The following IL1RL2 variants were observed in gnomAD, a reference collection of about 807,000 sequenced individuals.
The protein encoded by IL1RL2 is interleukin 1 receptor like 2.
In IL1RL2, 68 loss-of-function variants were observed where a neutral mutation model predicts 66.8. That is an observed-to-expected ratio of 1.02 (90% CI 0.84 to 1.25). The LOEUF is 1.25. Among genes scored for constraint, IL1RL2 ranks in the 50% most tolerant of loss-of-function variants. The probability of loss-of-function intolerance (pLI) is 0.00; values close to 1 mark genes in which losing one functional copy is unlikely to be tolerated. For missense variants in IL1RL2, 729 were observed against 709.3 expected (o/e 1.03, Z -0.32); for synonymous variants, 305 against 264.6 (o/e 1.15, Z -1.48).
chr2:102,190,947 GT>G (rs1366652197), intron 3 of IL1RL2, among the ~76,000 whole-genome samples: 1 of 152,130 alleles, frequency 6.6e-6, no homozygotes, highest in Non-Finnish European at 1.5e-5. Context: ...TAGGATACGT[GT>G]TTAGGAAACT....
chr2:102,240,402 G>A (rs924752155), downstream of IL1RL2, among the ~76,000 whole-genome samples: 9 of 87,252 alleles, frequency 1.0e-4, no homozygotes, highest in African/African-American at 3.5e-4. Flanking sequence ...ACAGAGTTTC[G>A]CTTTTGTCAC....
intron 11 of IL1RL2, chr2:102,236,083 GAGCCAATGT>G (rs1248258287): frequency 2.1e-5 from 7 of 336,618 alleles, no homozygotes; most frequent in African/African-American, 1.6e-4. Flanking sequence ...AGTTTCCAAT[GAGCCAATGT>G]GCCCTTGTCA....
At chr2:102,190,600 G>T (rs923058058) in intron 3 of IL1RL2, among the ~76,000 whole-genome samples, 3 of 152,190 alleles carry the variant, frequency 2.0e-5, no homozygotes, top group African/African-American at 4.8e-5. Context: ...GCACAAAATT[G>T]AGTGGTTCAC....
Position 102,212,118 on chromosome 2 carries a change from G to A in IL1RL2, c.668G>A (p.Gly223Glu). 1 of 1,613,214 alleles carries A rather than the reference G, an allele frequency of 6.2e-7. No individual in the cohort carries two copies. The highest frequency in any genetic ancestry group is 8.5e-7 in the Non-Finnish European group (1 of 1,179,266). ...TVSITERAGY[G>E]GSVPKIIYPK... Reference sequence around the variant, plus strand: ...TTCTTAGCAGAAAGAGCTGGATATGGAGGAAGTGTCCCTAAAATCATTTAT... The same window carrying A: ...TTCTTAGCAGAAAGAGCTGGATATGAAGGAAGTGTCCCTAAAATCATTTAT... The change falls in exon 6 of 12, where the codon GGA becomes GAA. Residue 223 changes from glycine (G) to glutamate (E), a missense_variant. Coordinates refer to ENST00000264257, the MANE Select transcript of IL1RL2 (RefSeq NM_003854.4).
intron 9 of IL1RL2, among the ~76,000 whole-genome samples, chr2:102,226,818 A>C (rs575566054): frequency 2.2e-4 from 33 of 152,318 alleles, no homozygotes; most frequent in African/African-American, 7.7e-4. Context: ...AGAAACAAAG[A>C]AAGGGACAGT....
chr2:102,187,033 C>G lies in IL1RL2; in HGVS notation c.-66C>G, dbSNP rs1485720572. On this transcript the variant is annotated 5_prime_UTR_variant, in exon 1 of 12. Coordinates refer to ENST00000264257, the MANE Select transcript of IL1RL2 (RefSeq NM_003854.4). ...AAGTGGCATGACAGGGCTCGTGTCC[C>G]TGTCATATTTTCCACTCTCCACGAG... 9 of 1,289,740 alleles carry G rather than the reference C, an allele frequency of 7.0e-6. No homozygotes were observed. Among genetic ancestry groups the G allele is most frequent in the Non-Finnish European group, 9.1e-6 (9 of 988,852 alleles). 79.9% of individuals were successfully genotyped at this position (1,289,740 alleles called of 1,614,324 possible). A position where few individuals can be genotyped will look rare whatever the true frequency, so the allele number is the denominator to read the frequency against.
At chr2:102,205,712 T>A (rs932526816) in intron 5 of IL1RL2, among the ~76,000 whole-genome samples, 3 of 152,182 alleles carry the variant, frequency 2.0e-5, no homozygotes, top group Non-Finnish European at 4.4e-5. Flanking sequence ...CTTGACGTAG[T>A]CTCCTTTGGA....
At chr2:102,202,045 A>G (rs540750947) in intron 5 of IL1RL2, among the ~76,000 whole-genome samples, 4 of 152,320 alleles carry the variant, frequency 2.6e-5, no homozygotes, top group South Asian at 2.1e-4. Flanking sequence ...TGTGATGAAC[A>G]TGACTGTCAT....
chr2:102,218,977 A>T lies in IL1RL2; in HGVS notation c.749A>T (p.Asn250Ile). The T allele has an allele frequency of 6.2e-7, 1 of 1,613,558 alleles. No individual in the cohort carries two copies. Among genetic ancestry groups the T allele is most frequent in the Non-Finnish European group, 8.5e-7 (1 of 1,179,498 alleles). ...QLGTTLIVDC[N>I]VTDTKDNTNL... is the part of the protein sequence containing the mutation. Reference sequence around the variant, plus strand: ...GGTACCACTCTGATTGTGGACTGCAATGTAACAGACACCAAGGATAATACA... The same window carrying T: ...GGTACCACTCTGATTGTGGACTGCATTGTAACAGACACCAAGGATAATACA... The change falls in exon 7 of 12, where the codon AAT becomes ATT. Residue 250 changes from asparagine (N) to isoleucine (I), a missense_variant. By Grantham distance (149) the Asn-to-Ile change is moderately radical. Transcript: ENST00000264257.
rs779987656 is a variant in IL1RL2, at chr2:102,218,977, A to G, written c.749A>G (p.Asn250Ser). The stretch of plus-strand genomic sequence containing the variant: ...GGTACCACTCTGATTGTGGACTGCA[A>G]TGTAACAGACACCAAGGATAATACA... ...QLGTTLIVDCNVTDTKDNTNL... is the reference protein window; with the variant it reads ...QLGTTLIVDCSVTDTKDNTNL... The change falls in exon 7 of 12, where the codon AAT (asparagine) becomes AGT (serine). Residue 250 changes from asparagine (N) to serine (S), a missense_variant. Physicochemically the swap from Asn to Ser is conservative, Grantham distance 46. Transcript: ENST00000264257. 2.9e-5 allele frequency: 47 copies of G among 1,613,440 alleles called. No homozygotes were observed. The highest frequency in any genetic ancestry group is 3.8e-5 in the Non-Finnish European group (45 of 1,179,506).
At chr2:102,240,613 A>G (rs1353865142), downstream of IL1RL2, among the ~76,000 whole-genome samples, 3 of 152,114 alleles carry the variant, frequency 2.0e-5, no homozygotes, top group Non-Finnish European at 4.4e-5. Flanking sequence ...CAGCTCGCCA[A>G]CTTGTTTTAA....
Position 102,226,047 on chromosome 2 carries a change from T to C in IL1RL2, c.1135+6T>C, listed in dbSNP as rs988114459. ...TTCTACAGAGACCATAGTAGGTAAG[T>C]GTGTGTAATCACTGAAAAATGCCTC... On this transcript the variant is annotated splice_donor_region_variant and intron_variant, in intron 9 of 11. Transcript: ENST00000264257. The C allele has an allele frequency of 1.3e-6, 2 of 1,576,840 alleles. No homozygotes were observed. Among genetic ancestry groups the C allele is most frequent in the Admixed American group, 3.8e-5 (2 of 53,116 alleles).
intron 4 of IL1RL2, among the ~76,000 whole-genome samples, chr2:102,194,248 G>T (rs1481679064): frequency 2.0e-5 from 3 of 152,042 alleles, no homozygotes; most frequent in Non-Finnish European, 4.4e-5. Context: ...TTTATGTCTA[G>T]CTTCCTTGGC....
chr2:102,239,399 T>A lies in IL1RL2; in HGVS notation c.*158T>A. 1 of 661,118 alleles carries A rather than the reference T, an allele frequency of 1.5e-6. No homozygotes were observed. The highest frequency in any genetic ancestry group is 1.7e-5 in the South Asian group (1 of 60,304). 41.0% of individuals were successfully genotyped at this position (661,118 alleles called of 1,614,324 possible). A position where few individuals can be genotyped will look rare whatever the true frequency, so the allele number is the denominator to read the frequency against. ...GAGAAGAGGAGGATGGGATAAGAAC[T>A]GGGGCCATCCCCATGTCATGGTGGG... On this transcript the variant is annotated 3_prime_UTR_variant, in exon 12 of 12. Coordinates refer to ENST00000264257, the MANE Select transcript of IL1RL2 (RefSeq NM_003854.4).
intron 9 of IL1RL2, among the ~76,000 whole-genome samples, chr2:102,229,874 C>T (rs1690964219): frequency 1.3e-5 from 2 of 152,182 alleles, no homozygotes; most frequent in Admixed American, 6.5e-5. Context: ...GCAACAAGTA[C>T]CTATATCCTC....
intron 6 of IL1RL2, among the ~76,000 whole-genome samples, chr2:102,217,628 C>A (rs1189910415): frequency 6.6e-6 from 1 of 152,086 alleles, no homozygotes; most frequent in Non-Finnish European, 1.5e-5. Context: ...AATAAGTCCA[C>A]AAATCAACAG....
At chr2:102,206,150 T>C (rs1688680660) in intron 5 of IL1RL2, among the ~76,000 whole-genome samples, 1 of 152,182 alleles carries the variant, frequency 6.6e-6, no homozygotes. Context: ...TCCTTTTCTA[T>C]GTTATCTTGA....
intron 4 of IL1RL2, among the ~76,000 whole-genome samples, chr2:102,198,460 C>T (rs891940976): frequency 6.6e-6 from 1 of 152,166 alleles, no homozygotes; most frequent in East Asian, 1.9e-4. Flanking sequence ...AATTACTCCT[C>T]AGCACAGTGG....
Position 102,235,076 on chromosome 2 carries a change from GACTA to G in IL1RL2, c.1478_1481del (p.Asp493AlafsTer31). On this transcript the variant is annotated frameshift_variant, in exon 11 of 12. Transcript: ENST00000264257. LOFTEE classifies it high-confidence loss of function. ...TCTCATTGAGCTGGAGAAAATCGAG[GACTA>G]CACAGTCATGCCAGAGTCAATTCAG... 1 of 1,614,128 alleles carries G rather than the reference GACTA, an allele frequency of 6.2e-7. No individual in the cohort carries two copies. Among genetic ancestry groups the G allele is most frequent in the African/African-American group, 1.3e-5 (1 of 75,002 alleles).
Sources: gnomAD v4.1 joint callset for allele counts (sites outside exome capture counted in the v4.1 genomes callset) on GRCh38, gnomAD v4.1.1 for gene constraint, MANE v1.5 for transcripts, NCBI Gene and HGNC (gene_info 2026-07-23, HGNC 2026-07-21) for gene names.